HSD17B12: variants seen among roughly 807,000 people sequenced by gnomAD.
HSD17B12 encodes hydroxysteroid 17-beta dehydrogenase 12.
In HSD17B12, 32 loss-of-function variants were observed where a neutral mutation model predicts 39.3. The observed-to-expected ratio is 0.81, with a 90% CI of 0.61 to 1.09. The LOEUF is 1.09. Among genes scored for constraint, HSD17B12 ranks in the 50% least tolerant of loss-of-function variants. The pLI, the probability that HSD17B12 is intolerant of heterozygous loss-of-function variation, is 0.00. For missense variants in HSD17B12, 342 were observed against 382.9 expected, an observed-to-expected ratio of 0.89 and a Z score of 0.89; for synonymous variants, 150 against 146.7, an observed-to-expected ratio of 1.02 and a Z score of -0.16.
intron 1 of HSD17B12, among the ~76,000 whole-genome samples, chr11:43,685,800 T>A (rs1264190912): frequency 1.3e-5 from 2 of 152,348 alleles, no homozygotes; most frequent in Admixed American, 6.5e-5. Flanking sequence ...GCTTTTTGAT[T>A]GAAGACACAC....
At chr11:43,604,973 C>T in the HSD17B12 span, among the ~76,000 whole-genome samples, 1 of 152,262 alleles carries the variant, frequency 6.6e-6, no homozygotes, top group Non-Finnish European at 1.5e-5. Flanking sequence ...AGAGTTAGAG[C>T]GTCCTTTTTG....
At chr11:43,804,896 G>A (rs1951004162) in intron 4 of HSD17B12, among the ~76,000 whole-genome samples, 1 of 152,158 alleles carries the variant, frequency 6.6e-6, no homozygotes, top group African/African-American at 2.4e-5. Flanking sequence ...TTGGGGAAAG[G>A]ACTAGTTAGC....
intron 3 of HSD17B12, among the ~76,000 whole-genome samples, chr11:43,774,106 G>C (rs1425753268): frequency 6.6e-6 from 1 of 152,294 alleles, no homozygotes; most frequent in Admixed American, 6.5e-5. Context: ...CCATGTAAAG[G>C]TGTCAGCTCT....
intron 6 of HSD17B12, among the ~76,000 whole-genome samples, chr11:43,823,974 G>T (rs1951208048): frequency 6.6e-6 from 1 of 152,154 alleles, no homozygotes; most frequent in Admixed American, 6.5e-5. Flanking sequence ...TAAACTGTTG[G>T]TCTGTGGGCC....
chr11:43,657,140 C>G, the HSD17B12 span, among the ~76,000 whole-genome samples: 1 of 152,164 alleles, frequency 6.6e-6, no homozygotes, highest in Non-Finnish European at 1.5e-5. Context: ...GAATTGATCC[C>G]TTTACCATTA....
chr11:43,562,705 C>T, the HSD17B12 span, among the ~76,000 whole-genome samples: 2 of 152,152 alleles, frequency 1.3e-5, no homozygotes, highest in Admixed American at 1.3e-4. Context: ...TTAGCAGAGA[C>T]CTCTTAGACT....
chr11:43,600,359 T>G, the HSD17B12 span, among the ~76,000 whole-genome samples: 3 of 152,102 alleles, frequency 2.0e-5, no homozygotes, highest in Non-Finnish European at 4.4e-5. Context: ...ACTGTTTCAT[T>G]GAATTATTTT....
the HSD17B12 span, among the ~76,000 whole-genome samples, chr11:43,580,423 TG>T: frequency 2.6e-5 from 4 of 151,142 alleles, no homozygotes; most frequent in Non-Finnish European, 5.9e-5. Flanking sequence ...CTGAGGCGAA[TG>T]GGCCATTAAA....
chr11:43,817,745 C>T (rs940155322), intron 6 of HSD17B12, among the ~76,000 whole-genome samples: 9 of 151,964 alleles, frequency 5.9e-5, no homozygotes, highest in Non-Finnish European at 1.0e-4. Flanking sequence ...GTGACTATGG[C>T]GTTATAGTGT....
At chr11:43,804,588 G>T (rs1416454312) in intron 4 of HSD17B12, among the ~76,000 whole-genome samples, 1 of 152,056 alleles carries the variant, frequency 6.6e-6, no homozygotes, top group Non-Finnish European at 1.5e-5. Context: ...TTTAATTGGT[G>T]TCCTTCCTTT....
chr11:43,720,518 C>T (rs1339947666), intron 1 of HSD17B12, among the ~76,000 whole-genome samples: 2 of 152,174 alleles, frequency 1.3e-5, no homozygotes. Context: ...ACTGACTTTC[C>T]ACTTTTTCAG....
At chr11:43,709,157 G>C (rs570786212) in intron 1 of HSD17B12, among the ~76,000 whole-genome samples, 48 of 151,834 alleles carry the variant, frequency 3.2e-4, no homozygotes, top group African/African-American at 1.1e-3. Context: ...ACAGAGCCTT[G>C]CCCTGTCGCC....
At chr11:43,733,660 A>G in intron 1 of HSD17B12, 1 of 439,898 alleles carries the variant, frequency 2.3e-6, no homozygotes, top group South Asian at 2.0e-5. Flanking sequence ...CCCTTGGTAA[A>G]AAGCTAATCT....
intron 1 of HSD17B12, among the ~76,000 whole-genome samples, chr11:43,737,994 A>T (rs150010106): frequency 8.9e-4 from 133 of 148,654 alleles, no homozygotes; most frequent in African/African-American, 3.3e-3. Context: ...AATGATGTGA[A>T]CCCGGCAGGC....
rs112032591 is a variant in HSD17B12, at chr11:43,825,130, C to CAA, written c.502-5833_502-5832dup. On this transcript the variant is annotated intron_variant, in intron 6 of 10. Coordinates refer to ENST00000278353, the MANE Select transcript of HSD17B12 (RefSeq NM_016142.3). ...TGGCTGGCAGAGTGAGACCCTGTCTCAAAAAAAAAAAAAATTTGGAGTGGA... is the reference window on the plus strand; with the variant it reads ...TGGCTGGCAGAGTGAGACCCTGTCTCAAAAAAAAAAAAAAAATTTGGAGTGGA... 2.0e-3 allele frequency among the ~76,000 whole-genome samples: 286 copies of CAA among 145,828 alleles called. 1 individual carries two copies. The highest frequency in any genetic ancestry group is 5.2e-3 in the African/African-American group (205 of 39,514).
At chr11:43,771,505 C>T (rs1209267440) in intron 3 of HSD17B12, among the ~76,000 whole-genome samples, 1 of 117,504 alleles carries the variant, frequency 8.5e-6, no homozygotes, top group Non-Finnish European at 1.6e-5. Context: ...ATCGCTCTGT[C>T]ACCTAGGCTG....
chr11:43,794,197 C>T (rs928536107), intron 3 of HSD17B12, among the ~76,000 whole-genome samples: 8 of 152,158 alleles, frequency 5.3e-5, no homozygotes, highest in Admixed American at 3.3e-4. Flanking sequence ...GATGCTAGCT[C>T]ATACAATTTC....
chr11:43,686,338 C>T (rs1301060541), intron 1 of HSD17B12, among the ~76,000 whole-genome samples: 4 of 152,112 alleles, frequency 2.6e-5, no homozygotes, highest in Admixed American at 1.3e-4. Flanking sequence ...CTTTGGCTCC[C>T]GAAAGGGAGT....
intron 3 of HSD17B12, among the ~76,000 whole-genome samples, chr11:43,790,524 A>G (rs1358785996): frequency 6.6e-6 from 1 of 152,218 alleles, no homozygotes; most frequent in African/African-American, 2.4e-5. Flanking sequence ...GCTGAACCCT[A>G]TATACCTATA....
Sources: allele counts gnomAD v4.1 joint callset (sites outside exome capture counted in the v4.1 genomes callset), GRCh38; gene constraint gnomAD v4.1.1; transcripts MANE v1.5; gene names NCBI Gene and HGNC (gene_info 2026-07-23, HGNC 2026-07-21).